The following HSPG2 variants were observed in gnomAD, a reference collection of about 807,000 sequenced individuals.
HSPG2 encodes basement membrane-specific heparan sulfate proteoglycan core protein.
In HSPG2, 278 loss-of-function variants were observed where a neutral mutation model predicts 526.6. The ratio of observed to expected loss-of-function variants is 0.53; its 90% CI spans 0.48 to 0.58. The LOEUF is 0.58. Among genes scored for constraint, HSPG2 ranks in the 20% least tolerant of loss-of-function variants. The probability of loss-of-function intolerance (pLI) is 0.00; values close to 1 mark genes in which losing one functional copy is unlikely to be tolerated. For synonymous variants in HSPG2, 2,465 were observed against 2,555.4 expected (o/e 0.96, Z 1.07); for missense variants, 5,354 against 6,099.5 (o/e 0.88, Z 4.07).
intron 75 of HSPG2, 125 bp from the exon 76 acceptor site, chr1:21,835,762 T>C (rs1162266854): frequency 3.0e-6 from 2 of 676,448 alleles, no homozygotes; most frequent in African/African-American, 3.6e-5. Flanking sequence ...GGCAGGCGCA[T>C]CACTTGAGAT....
chr1:21,887,141 G>GGAGTGGAAGGCGGGGCAT lies in HSPG2; in HGVS notation c.1078+73_1078+74insATGCCCCGCCTTCCACTC. On this transcript the variant is annotated intron_variant, in intron 9 of 96. Coordinates refer to ENST00000374695, the MANE Select transcript of HSPG2 (RefSeq NM_005529.7). The surrounding 1 kb of genome is among the most constrained non-coding windows in gnomAD (Gnocchi z 5.0). ...GGAGGGGCAGGGTAGGGGCGGGGCAGGAGTGGAAGGCGGGGCAGGAGCAAG... is the reference window on the plus strand; with the variant it reads ...GGAGGGGCAGGGTAGGGGCGGGGCAGGAGTGGAAGGCGGGGCATGAGTGGAAGGCGGGGCAGGAGCAAG... The GGAGTGGAAGGCGGGGCAT allele has an allele frequency of 6.4e-7, 1 of 1,557,408 alleles. No individual in the cohort carries two copies. The highest frequency in any genetic ancestry group is 8.8e-7 in the Non-Finnish European group (1 of 1,137,526).
intron 1 of HSPG2, among the ~76,000 whole-genome samples, chr1:21,924,999 G>A (rs1230649560): frequency 1.3e-5 from 2 of 152,124 alleles, no homozygotes; most frequent in African/African-American, 2.4e-5. Flanking sequence ...TATAGCTTAC[G>A]AGTCCTGCCT....
chr1:21,906,519 G>C (rs1319724853), intron 1 of HSPG2, among the ~76,000 whole-genome samples: 1 of 152,214 alleles, frequency 6.6e-6, no homozygotes, highest in Non-Finnish European at 1.5e-5. Flanking sequence ...GCTGAGATAG[G>C]CCTGTGGAGA....
chr1:21,931,820 T>G (rs1378293680), intron 1 of HSPG2, among the ~76,000 whole-genome samples: 6 of 152,034 alleles, frequency 3.9e-5, no homozygotes, highest in African/African-American at 1.4e-4. Flanking sequence ...ACCCTAAACC[T>G]TGAGCCCCCA....
intron 1 of HSPG2, among the ~76,000 whole-genome samples, chr1:21,922,646 G>A (rs1166779788): frequency 6.6e-6 from 1 of 152,154 alleles, no homozygotes; most frequent in East Asian, 1.9e-4. Context: ...GAGGTGTGGG[G>A]GGAAGGAGGA....
intron 71 of HSPG2, 136 bp downstream of exon 71, chr1:21,840,965 A>G: frequency 1.3e-6 from 1 of 753,916 alleles, no homozygotes; most frequent in Non-Finnish European, 2.3e-6. Context: ...TCATCCACCC[A>G]TCCCATCCCA....
At chr1:21,927,385 G>T (rs919933405) in intron 1 of HSPG2, among the ~76,000 whole-genome samples, 1 of 152,088 alleles carries the variant, frequency 6.6e-6, no homozygotes, top group Non-Finnish European at 1.5e-5. Flanking sequence ...CTGAGGCCAC[G>T]GGAGCCAGAT....
Position 21,937,174 on chromosome 1 carries a change from A to G in HSPG2, c.44T>C (p.Leu15Pro). The stretch of plus-strand genomic sequence containing the variant: ...ACTCACCGCCAGCAGCCGCCCGTGC[A>G]GCAGCAGCGCCAGCAGCAGCGCGCC... ...AAGALLLALL[L>P]HGRLLAVTHG... The change falls in exon 1 of 97, where the codon CTG becomes CCG. Residue 15 changes from leucine to proline, a missense_variant. Coordinates refer to ENST00000374695, the MANE Select transcript of HSPG2 (RefSeq NM_005529.7). 9.4e-7 allele frequency: 1 copy of G among 1,059,400 alleles called. No homozygotes were observed. The highest frequency in any genetic ancestry group is 1.2e-6 in the Non-Finnish European group (1 of 866,446). The allele number at this position is 1,059,400 out of a possible 1,614,324, so 65.6% of individuals were successfully genotyped here.
At position 21,822,454 on chromosome 1, in the gene HSPG2, C is replaced by T. The variant is rs1207387408; in HGVS notation, c.*862G>A. The T allele has an allele frequency of 1.8e-6, 1 of 560,494 alleles. No individual in the cohort carries two copies. The highest frequency in any genetic ancestry group is 3.0e-5 in the East Asian group (1 of 33,646). The allele number at this position is 560,494 out of a possible 1,614,324, so 34.7% of individuals were successfully genotyped here. A position where few individuals can be genotyped will look rare whatever the true frequency, so the allele number is the denominator to read the frequency against. Reference sequence around the variant, plus strand: ...CAGTCGTGAGTCCTGCCTTCCCCCACCTAAGGCACTAGCTCTTCCTGAGCA... The same window carrying T: ...CAGTCGTGAGTCCTGCCTTCCCCCATCTAAGGCACTAGCTCTTCCTGAGCA... On this transcript the variant is annotated 3_prime_UTR_variant, in exon 97 of 97. Transcript: ENST00000374695.
intron 1 of HSPG2, among the ~76,000 whole-genome samples, chr1:21,926,761 CAAAAAAAAAAA>C (rs57835686): frequency 5.4e-5 from 3 of 55,844 alleles, no homozygotes; most frequent in African/African-American, 7.3e-5. Context: ...GACTCAGTCT[CAAAAAAAAAAA>C]AAAAAAAAAA....
rs561120543 is a variant in HSPG2 at position 21,874,558 on chromosome 1, G to A, written c.3529-25C>T. ...CCTGGAGGAGCAGGATGTGAGTTGA[G>A]GCTGGGCCTCCAGAGGCCACAGATT... On this transcript the variant is annotated intron_variant, in intron 27 of 96. Coordinates refer to ENST00000374695, the MANE Select transcript of HSPG2 (RefSeq NM_005529.7). 8 of 1,613,874 alleles carry A rather than the reference G, an allele frequency of 5.0e-6. No individual in the cohort carries two copies. The South Asian group carries it at 8.8e-5, about 18-fold the overall frequency.
At position 21,829,616 on chromosome 1, in the gene HSPG2, A is replaced by T; in HGVS notation, c.11771-12T>A. 6.3e-7 allele frequency: 1 copy of T among 1,596,814 alleles called. No homozygotes were observed. Among genetic ancestry groups the T allele is most frequent in the Non-Finnish European group, 8.6e-7 (1 of 1,168,476 alleles). On this transcript the variant is annotated splice_polypyrimidine_tract_variant and intron_variant, in intron 86 of 96. Transcript: ENST00000374695. Reference sequence around the variant, plus strand: ...GGTCACTGTCACACCTGCAGCAGCCACAGCTCAGCTGAGGCAGTGGGGATC... The same window carrying T: ...GGTCACTGTCACACCTGCAGCAGCCTCAGCTCAGCTGAGGCAGTGGGGATC...
Position 21,895,947 on chromosome 1 carries a change from G to C in HSPG2, c.219C>G (p.Asp73Glu), listed in dbSNP as rs745491060. ...CCATCTGGAAGTCCCCGCTGCCCAG[G>C]TCCCCACTGCCCAGGTCGTCTATAA... ...SISGDDLGSG[D>E]LGSGDFQMVY... is the part of the protein sequence containing the mutation. The change falls in exon 3 of 97, where the codon GAC (aspartate) becomes GAG (glutamate). Residue 73 changes from aspartate (D) to glutamate (E), a missense_variant. Asp to Glu is a conservative substitution (Grantham distance 45). Transcript: ENST00000374695. This position sits in a 1 kb window ranked among gnomAD's most constrained non-coding sequence, Gnocchi z 4.1. The C allele has an allele frequency of 1.2e-6, 2 of 1,614,058 alleles. No homozygotes were observed. Among genetic ancestry groups the C allele is most frequent in the Non-Finnish European group, 1.7e-6 (2 of 1,179,952 alleles).
Position 21,873,031 on chromosome 1 carries a change from C to G in HSPG2, c.3854G>C (p.Ser1285Thr). ...GCACTGACCAGCAGCATCACACTGG[C>G]TGCTGACGCTGCCTTGGGGGTCACA... The part of the protein sequence containing the change: ...CNCDPQGSVS[S>T]QCDAAGQCQC... The change falls in exon 31 of 97, where the codon AGC becomes ACC. Residue 1285 changes from serine (S) to threonine (T), a missense_variant. By Grantham distance (58) the Ser-to-Thr change is moderately conservative. Coordinates refer to ENST00000374695, the MANE Select transcript of HSPG2 (RefSeq NM_005529.7). The G allele has an allele frequency of 1.2e-6, 2 of 1,607,482 alleles. No individual in the cohort carries two copies. Among genetic ancestry groups the G allele is most frequent in the Non-Finnish European group, 1.7e-6 (2 of 1,179,974 alleles).
chr1:21,853,080 GAGC>G lies in HSPG2; in HGVS notation c.6440-13_6440-11del, dbSNP rs1639043070. ...CGGGTGCTGCCGGGCACTGGACACA[GAGC>G]GGCTGCTCAGAGGCCTGAACTCTTG... On this transcript the variant is annotated splice_polypyrimidine_tract_variant and intron_variant, in intron 50 of 96. Coordinates refer to ENST00000374695, the MANE Select transcript of HSPG2 (RefSeq NM_005529.7). 3.1e-6 allele frequency: 5 copies of G among 1,613,544 alleles called. 1 individual carries two copies. In the African/African-American group the frequency reaches 5.3e-5, roughly 17 times the overall value.
In HSPG2 at chr1:21,887,942, A is replaced by G. The variant is rs1304859399; in HGVS notation, c.699T>C (p.Asn233=). 13 of 1,613,832 alleles carry G rather than the reference A, an allele frequency of 8.1e-6. No individual in the cohort carries two copies. Among genetic ancestry groups the G allele is most frequent in the Non-Finnish European group, 1.1e-5 (13 of 1,179,964 alleles). Residue 233 remains asparagine (N), a synonymous_variant, in exon 7 of 97, where the codon AAT becomes AAC. Coordinates refer to ENST00000374695, the MANE Select transcript of HSPG2 (RefSeq NM_005529.7). The surrounding 1 kb of genome is among the most constrained non-coding windows in gnomAD (Gnocchi z 5.0). ...TGGCCCCGGACATCCCCTCACCACA[A>G]TTGAGCTCATCAGACATGTCCCTGC... ...PDCRDMSDEL[N]CEEPVLGISP...
chr1:21,830,337 A>T, intron 85 of HSPG2: 1 of 540,136 alleles, frequency 1.9e-6, no homozygotes, highest in Non-Finnish European at 3.3e-6. Flanking sequence ...GAGACTGGAC[A>T]GTGTTGGAGG....
In HSPG2 at chr1:21,835,728, A is replaced by C; in HGVS notation, c.10356-91T>G. On this transcript the variant is annotated intron_variant, in intron 75 of 96. Transcript: ENST00000374695. ...GCTGGGCGTGGTGGCTCACGCCTGT[A>C]ATCCCAGCACTTTGGGAGGCTGAGG... 4.3e-6 allele frequency: 4 copies of C among 931,132 alleles called. No homozygotes were observed. In the South Asian group the frequency reaches 5.5e-5, roughly 13 times the overall value. 57.7% of individuals were successfully genotyped at this position (931,132 alleles called of 1,614,324 possible).
intron 77 of HSPG2, 76 bp from the exon 78 acceptor site, chr1:21,834,001 T>A: frequency 1.0e-6 from 1 of 972,542 alleles, no homozygotes; most frequent in Non-Finnish European, 1.6e-6. Context: ...CCTGATTCAT[T>A]TCATCTTCAC....
Sources: gnomAD v4.1 joint callset for allele counts (sites outside exome capture counted in the v4.1 genomes callset) on GRCh38, gnomAD v4.1.1 for gene constraint, Gnocchi (gnomAD v3.1) non-coding constraint, MANE v1.5 for transcripts, NCBI Gene and HGNC (gene_info 2026-07-23, HGNC 2026-07-21) for gene names.